The following TNRC18 variants were observed in gnomAD, a reference collection of about 807,000 sequenced individuals.
TNRC18 encodes the protein trinucleotide repeat-containing gene 18 protein.
Under a neutral mutation model 226.7 loss-of-function variants are expected in TNRC18, and 69 were observed. The observed-to-expected ratio is 0.30, with a 90% CI of 0.25 to 0.37. TNRC18 has a LOEUF of 0.37. TNRC18 is among the 10% of genes least tolerant of loss of function. The pLI, the probability that TNRC18 is intolerant of heterozygous loss-of-function variation, is 1.00. For synonymous variants in TNRC18, 2,449 were observed against 1,927.6 expected (o/e 1.27, Z -7.09); for missense variants, 4,754 against 4,256.6 (o/e 1.12, Z -3.25).
rs1361353378 is a variant in TNRC18, at chr7:5,309,394, C to T, written c.8389-26G>A. On this transcript the variant is annotated intron_variant, in intron 27 of 29. Coordinates refer to ENST00000430969, the MANE Select transcript of TNRC18 (RefSeq NM_001080495.3). This position sits in a 1 kb window ranked among gnomAD's most constrained non-coding sequence, Gnocchi z 5.7. The stretch of plus-strand genomic sequence containing the variant: ...CTGCAAGGACACGTGTGTCACGGCA[C>T]AGGCCCTGGCCCAGCCCCAAGGAGC... The T allele has an allele frequency of 3.2e-6, 5 of 1,579,206 alleles. No homozygotes were observed. In the East Asian group the frequency reaches 1.2e-4, roughly 36 times the overall value.
intron 18 of TNRC18, among the ~76,000 whole-genome samples, chr7:5,343,998 G>C (rs1790921520): frequency 6.6e-6 from 1 of 152,276 alleles, no homozygotes; most frequent in South Asian, 2.1e-4. Context: ...AGCCAGACTG[G>C]CCAAGAAACA....
intron 16 of TNRC18, among the ~76,000 whole-genome samples, chr7:5,356,381 T>C (rs1792376278): frequency 6.6e-6 from 1 of 152,012 alleles, no homozygotes; most frequent in South Asian, 2.1e-4. Context: ...GTAACGCCAA[T>C]GAACCCCTGC....
At chr7:5,349,034 G>A (rs374833266) in intron 17 of TNRC18, among the ~76,000 whole-genome samples, 18 of 152,288 alleles carry the variant, frequency 1.2e-4, no homozygotes, top group African/African-American at 3.1e-4. Flanking sequence ...ACTCAGGTGC[G>A]CAGACTCCAG....
intron 29 of TNRC18, among the ~76,000 whole-genome samples, chr7:5,308,617 CAG>C (rs1455806123): frequency 6.6e-6 from 1 of 151,994 alleles, no homozygotes; most frequent in Admixed American, 6.6e-5. Flanking sequence ...GGGAGAGACC[CAG>C]AGAGAGTCAG....
intron 17 of TNRC18, among the ~76,000 whole-genome samples, chr7:5,346,044 C>A (rs1341654738): frequency 6.6e-6 from 1 of 152,258 alleles, no homozygotes; most frequent in Non-Finnish European, 1.5e-5. Flanking sequence ...AGGTGGGCAG[C>A]GGCCTTGTGT....
intron 2 of TNRC18, among the ~76,000 whole-genome samples, chr7:5,405,970 T>C (rs1424467609): frequency 2.0e-5 from 3 of 152,152 alleles, no homozygotes; most frequent in African/African-American, 4.8e-5. Context: ...TGCACACCCA[T>C]GTTCATAGCA....
chr7:5,376,605 G>A (rs1466018359), intron 8 of TNRC18, among the ~76,000 whole-genome samples: 3 of 152,194 alleles, frequency 2.0e-5, no homozygotes, highest in Non-Finnish European at 4.4e-5. Flanking sequence ...GGGAATCCCA[G>A]CCCCCACCCA....
Position 5,388,747 on chromosome 7 carries a change from G to A in TNRC18, c.1077C>T (p.Val359=). Residue 359 remains valine (V), a synonymous_variant, in exon 5 of 30, where the codon GTC becomes GTT. Transcript: ENST00000430969. Reference sequence around the variant, plus strand: ...GGTGCTCACGGCCCTGCTCGCGGAAGACGGTGTAGACGCCGGCGGGGGTGG... The same window carrying A: ...GGTGCTCACGGCCCTGCTCGCGGAAAACGGTGTAGACGCCGGCGGGGGTGG... ...PAATPAGVYT[V]FREQGREHRV... is the part of the protein sequence containing the mutation. 1 of 1,245,692 alleles carries A rather than the reference G, an allele frequency of 8.0e-7. No individual in the cohort carries two copies. The highest frequency in any genetic ancestry group is 1.0e-6 in the Non-Finnish European group (1 of 992,828). The allele number at this position is 1,245,692 out of a possible 1,614,324, so 77.2% of individuals were successfully genotyped here.
chr7:5,331,497 G>A (rs962200289), intron 19 of TNRC18, among the ~76,000 whole-genome samples: 3 of 152,068 alleles, frequency 2.0e-5, no homozygotes, highest in Non-Finnish European at 4.4e-5. Context: ...GGTGAGAGTG[G>A]AGGCCACAAA....
rs751348578 is a variant in TNRC18, at chr7:5,390,576, G to T, written c.396C>A (p.His132Gln). 46 of 1,612,900 alleles carry T rather than the reference G, an allele frequency of 2.9e-5. No homozygotes were observed. The highest frequency in any genetic ancestry group is 3.6e-5 in the Non-Finnish European group (43 of 1,179,456). Reference sequence around the variant, plus strand: ...GGCTCCCACTGCTGGGGGGCTCCAGGTGGTTCAGGTGGAGGTAGGATGGGT... The same window carrying T: ...GGCTCCCACTGCTGGGGGGCTCCAGTTGGTTCAGGTGGAGGTAGGATGGGT... ...GLYPSYLHLN[H>Q]LEPPSSGSPL... The change falls in exon 4 of 30, where the codon CAC (histidine) becomes CAA (glutamine). Residue 132 changes from histidine to glutamine, a missense_variant. Transcript: ENST00000430969.
At chr7:5,361,354 C>T (rs982447583) in intron 14 of TNRC18, among the ~76,000 whole-genome samples, 4 of 152,348 alleles carry the variant, frequency 2.6e-5, no homozygotes, top group African/African-American at 9.6e-5. Flanking sequence ...ACAGGTGAAG[C>T]GCTGGGTTAG....
At chr7:5,415,261 C>G (rs1198706219) in intron 2 of TNRC18, among the ~76,000 whole-genome samples, 1 of 152,084 alleles carries the variant, frequency 6.6e-6, no homozygotes, top group Non-Finnish European at 1.5e-5. Context: ...GGAAAAAGGT[C>G]ACCCCTCCAG....
At position 5,334,754 on chromosome 7, in the gene TNRC18, C is replaced by T. The variant is rs552121617; in HGVS notation, c.5720-1705G>A. Among the ~76,000 whole-genome samples, 16 of 152,152 alleles carry T rather than the reference C, an allele frequency of 1.1e-4. No individual in the cohort carries two copies. The East Asian group carries it at 2.7e-3, about 26-fold the overall frequency. On this transcript the variant is annotated intron_variant, in intron 18 of 29. Transcript: ENST00000430969. ...CCCAGAGATCCACTGGAACACCTGG[C>T]GTACGTAATCCTTCACAGGCCCATT... is the stretch of plus-strand genomic sequence containing the variant.
rs779540633 is a variant in TNRC18 at position 5,421,276 on chromosome 7, C to T, written c.-30G>A. 6 of 1,273,374 alleles carry T rather than the reference C, an allele frequency of 4.7e-6. No homozygotes were observed. Among genetic ancestry groups the T allele is most frequent in the East Asian group, 3.2e-5 (1 of 31,628 alleles). The allele number at this position is 1,273,374 out of a possible 1,614,324, so 78.9% of individuals were successfully genotyped here. ...CGCGGGAGTGCCGCGATCAGCCCCCCACCCGGCCCGCAGGCCTAGCTCAGT... is the reference window on the plus strand; with the variant it reads ...CGCGGGAGTGCCGCGATCAGCCCCCTACCCGGCCCGCAGGCCTAGCTCAGT... On this transcript the variant is annotated 5_prime_UTR_variant, in exon 2 of 30. Coordinates refer to ENST00000430969, the MANE Select transcript of TNRC18 (RefSeq NM_001080495.3).
At chr7:5,317,711 GT>G (rs34172970) in intron 24 of TNRC18, among the ~76,000 whole-genome samples, 100,868 of 143,414 alleles carry the variant, frequency 0.7, 35,355 homozygotes, top group East Asian at 0.83. Flanking sequence ...AACTCTTAAG[GT>G]TTTTTTTTTT....
intron 11 of TNRC18, among the ~76,000 whole-genome samples, chr7:5,368,300 C>G (rs567428273): frequency 1.2e-4 from 17 of 140,606 alleles, no homozygotes; most frequent in Non-Finnish European, 2.6e-4. Context: ...AACCCCATCT[C>G]TACTTTTTGT....
chr7:5,375,553 A>G (rs1243206873), intron 9 of TNRC18, among the ~76,000 whole-genome samples: 1 of 152,120 alleles, frequency 6.6e-6, no homozygotes, highest in Non-Finnish European at 1.5e-5. Context: ...TTCTTGCTGT[A>G]TGCACTACCT....
At chr7:5,357,812 G>C (rs1359484994) in intron 15 of TNRC18, among the ~76,000 whole-genome samples, 1 of 152,124 alleles carries the variant, frequency 6.6e-6, no homozygotes, top group Non-Finnish European at 1.5e-5. Flanking sequence ...TGTAAAATGG[G>C]GGTACTTGTG....
rs1202132284 is a variant in TNRC18 at position 5,388,574 on chromosome 7, G to A, written c.1250C>T (p.Pro417Leu). 3.1e-6 allele frequency: 4 copies of A among 1,300,042 alleles called. No individual in the cohort carries two copies. The highest frequency in any genetic ancestry group is 4.3e-5 in the Admixed American group (1 of 23,092). The allele number at this position is 1,300,042 out of a possible 1,614,324, so 80.5% of individuals were successfully genotyped here. A position where few individuals can be genotyped will look rare whatever the true frequency, so the allele number is the denominator to read the frequency against. The part of the protein sequence containing the change: ...PGVLQAPPGS[P>L]RPLDRPEGLR... ...GCCCTCGGGCCGGTCCAGAGGCCGCGGGGAGCCGGGGGGCGCCTGCAGGAC... is the reference window on the plus strand; with the variant it reads ...GCCCTCGGGCCGGTCCAGAGGCCGCAGGGAGCCGGGGGGCGCCTGCAGGAC... Residue 417 changes from proline to leucine, a missense_variant, in exon 5 of 30, where the codon CCG becomes CTG. By Grantham distance (98) the Pro-to-Leu change is moderately conservative. Coordinates refer to ENST00000430969, the MANE Select transcript of TNRC18 (RefSeq NM_001080495.3).
Sources: allele counts gnomAD v4.1 joint callset (sites outside exome capture counted in the v4.1 genomes callset), GRCh38; gene constraint gnomAD v4.1.1; non-coding constraint Gnocchi (gnomAD v3.1); transcripts MANE v1.5; gene names NCBI Gene and HGNC (gene_info 2026-07-23, HGNC 2026-07-21).